The following GALNT13 variants were observed in gnomAD, a reference collection of about 807,000 sequenced individuals.
GALNT13 encodes the protein UDP-GalNAc:polypeptide N-acetylgalactosaminyltransferase 13.
Under a neutral mutation model 64.2 loss-of-function variants are expected in GALNT13, and 28 were observed. That is an observed-to-expected ratio of 0.44 (90% CI 0.32 to 0.60). GALNT13 has a LOEUF of 0.60. Ranked by LOEUF, GALNT13 falls within the 20% of genes least tolerant of loss-of-function variation. GALNT13 has a pLI of 0.05. For synonymous variants in GALNT13, 214 were observed against 224.6 expected (o/e 0.95, Z 0.42); for missense variants, 577 against 669.8 (o/e 0.86, Z 1.53).
At chr2:153,650,484 T>C in the GALNT13 span, among the ~76,000 whole-genome samples, 1 of 152,198 alleles carries the variant, frequency 6.6e-6, no homozygotes, top group East Asian at 1.9e-4. Context: ...AATATTGTTA[T>C]GTGTGAATTT....
chr2:153,557,891 T>C, the GALNT13 span, among the ~76,000 whole-genome samples: 82,102 of 151,896 alleles, frequency 0.54, 22,490 homozygotes, highest in East Asian at 0.65. Context: ...CTGGGAAATT[T>C]TTGCTCTACT....
chr2:154,337,754 C>A (rs1695537189), intron 9 of GALNT13, among the ~76,000 whole-genome samples: 1 of 151,874 alleles, frequency 6.6e-6, no homozygotes, highest in South Asian at 2.1e-4. Context: ...ATTTAACATT[C>A]TTTTGGGAAG....
At chr2:153,867,717 AT>A (rs1685790513), upstream of GALNT13, among the ~76,000 whole-genome samples, 1 of 151,924 alleles carries the variant, frequency 6.6e-6, no homozygotes, top group Non-Finnish European at 1.5e-5. Context: ...AGATGGTCCC[AT>A]CTGGGGGTGA....
At chr2:153,437,429 T>G in the GALNT13 span, among the ~76,000 whole-genome samples, 234 of 152,268 alleles carry the variant, frequency 1.5e-3, 8 homozygotes, top group East Asian at 0.041. Flanking sequence ...AGTGGGGTGT[T>G]AAAGTCTCCC....
At chr2:153,578,958 G>A in the GALNT13 span, among the ~76,000 whole-genome samples, 1 of 152,178 alleles carries the variant, frequency 6.6e-6, no homozygotes, top group African/African-American at 2.4e-5. Context: ...ATGAACACAA[G>A]GCTTCTTGGT....
At chr2:154,073,945 A>AT (rs1216856869) in intron 3 of GALNT13, among the ~76,000 whole-genome samples, 1 of 151,922 alleles carries the variant, frequency 6.6e-6, no homozygotes, top group Non-Finnish European at 1.5e-5. Flanking sequence ...GCAGATACTA[A>AT]TTTTTTTAAA....
At chr2:154,048,920 A>G (rs1007651025) in intron 3 of GALNT13, among the ~76,000 whole-genome samples, 1 of 152,162 alleles carries the variant, frequency 6.6e-6, no homozygotes, top group East Asian at 1.9e-4. Context: ...AAAGTACCAT[A>G]GAGGTATTTT....
the GALNT13 span, among the ~76,000 whole-genome samples, chr2:153,151,056 G>A: frequency 6.6e-6 from 1 of 151,968 alleles, no homozygotes; most frequent in Middle Eastern, 3.2e-3. Context: ...AATTACCTTG[G>A]GCAGTATGGC....
intron 9 of GALNT13, among the ~76,000 whole-genome samples, chr2:154,302,021 G>T (rs572412912): frequency 6.6e-6 from 1 of 151,942 alleles, no homozygotes. Flanking sequence ...AAAATAATAT[G>T]AGTAAAACGT....
intron 9 of GALNT13, among the ~76,000 whole-genome samples, chr2:154,385,665 G>A (rs763522559): frequency 2.0e-5 from 3 of 151,996 alleles, no homozygotes; most frequent in Non-Finnish European, 4.4e-5. Context: ...TTACTATGTA[G>A]TCGGGAACAT....
At chr2:154,283,304 C>G (rs979772397) in intron 8 of GALNT13, among the ~76,000 whole-genome samples, 2 of 151,690 alleles carry the variant, frequency 1.3e-5, no homozygotes, top group African/African-American at 4.8e-5. Context: ...TTCCCTTTAC[C>G]AAAATTGAGA....
chr2:154,369,917 C>T (rs13018424), intron 9 of GALNT13, among the ~76,000 whole-genome samples: 1 of 152,174 alleles, frequency 6.6e-6, no homozygotes, highest in African/African-American at 2.4e-5. Flanking sequence ...TAAATTTCTG[C>T]CCAGTCTCTT....
At chr2:153,909,686 CAT>C (rs1688813528) in intron 2 of GALNT13, among the ~76,000 whole-genome samples, 1 of 152,064 alleles carries the variant, frequency 6.6e-6, no homozygotes, top group African/African-American at 2.4e-5. Context: ...TTGCAATAAA[CAT>C]GTGGTTTTGA....
chr2:154,189,931 G>A (rs1686480654), intron 4 of GALNT13, among the ~76,000 whole-genome samples: 1 of 152,146 alleles, frequency 6.6e-6, no homozygotes, highest in Admixed American at 6.5e-5. Context: ...TCTATTGTTA[G>A]CTTTAATATG....
chr2:154,361,948 C>T (rs1238469574), intron 9 of GALNT13, among the ~76,000 whole-genome samples: 1 of 152,068 alleles, frequency 6.6e-6, no homozygotes, highest in East Asian at 1.9e-4. Flanking sequence ...CTCAAGATAA[C>T]TGGCCCTTGA....
chr2:153,883,453 G>A (rs1686920081), intron 1 of GALNT13, among the ~76,000 whole-genome samples: 1 of 151,958 alleles, frequency 6.6e-6, no homozygotes, highest in South Asian at 2.1e-4. Flanking sequence ...CCCGTGTCAG[G>A]GTAGAATTAA....
chr2:153,686,874 C>T, the GALNT13 span, among the ~76,000 whole-genome samples: 1 of 151,972 alleles, frequency 6.6e-6, no homozygotes, highest in Non-Finnish European at 1.5e-5. Flanking sequence ...TTATCAAAAG[C>T]TTTTTCTGCA....
intron 9 of GALNT13, among the ~76,000 whole-genome samples, chr2:154,363,740 C>G (rs1038684216): frequency 1.3e-5 from 2 of 152,070 alleles, no homozygotes; most frequent in Non-Finnish European, 2.9e-5. Flanking sequence ...GAATTGACTC[C>G]CCAGACCTAT....
In GALNT13 at chr2:154,298,755, TAC is replaced by T. The variant is rs1491069363; in HGVS notation, c.976-2653_976-2652del. ...TATATATAGTATATATAAATATATA[TAC>T]TATATATAAATTATATATTTATTTA... On this transcript the variant is annotated intron_variant, in intron 8 of 12. Transcript: ENST00000392825. Among the ~76,000 whole-genome samples, 275 of 78,852 alleles carry T rather than the reference TAC, an allele frequency of 3.5e-3. 53 individuals are homozygous for T. In the East Asian group the frequency reaches 0.11, roughly 32 times the overall value. 51.7% of individuals were successfully genotyped at this position (78,852 alleles called of 152,430 possible). A position where few individuals can be genotyped will look rare whatever the true frequency, so the allele number is the denominator to read the frequency against.
Sources: allele counts gnomAD v4.1 joint callset (sites outside exome capture counted in the v4.1 genomes callset), GRCh38; gene constraint gnomAD v4.1.1; transcripts MANE v1.5; gene names NCBI Gene and HGNC (gene_info 2026-07-23, HGNC 2026-07-21).